The following NRG3 variants were observed in gnomAD, a reference collection of about 807,000 sequenced individuals.
NRG3 encodes neuregulin 3.
A neutral mutation model predicts 66.9 loss-of-function variants in NRG3; 31 were observed. The ratio of observed to expected loss-of-function variants is 0.46; its 90% CI spans 0.35 to 0.63. NRG3 has a LOEUF of 0.63. NRG3 is among the 20% of genes least tolerant of loss of function. The pLI is 0.00. For synonymous variants in NRG3, 393 were observed against 359.4 expected (o/e 1.09, Z -1.06); for missense variants, 910 against 878.9 (o/e 1.04, Z -0.45).
intron 2 of NRG3, among the ~76,000 whole-genome samples, chr10:82,420,857 G>T (rs1035623371): frequency 6.6e-6 from 1 of 152,160 alleles, no homozygotes; most frequent in Non-Finnish European, 1.5e-5. Flanking sequence ...GTGCAATCTG[G>T]ATAAATCTGT....
chr10:82,610,111 C>T (rs892053544), intron 2 of NRG3, among the ~76,000 whole-genome samples: 15 of 152,188 alleles, frequency 9.9e-5, no homozygotes, highest in African/African-American at 3.6e-4. Flanking sequence ...CTCACCCCAT[C>T]GAGGGCCCCT....
At chr10:82,638,514 G>A (rs908012245) in intron 2 of NRG3, among the ~76,000 whole-genome samples, 1 of 152,148 alleles carries the variant, frequency 6.6e-6, no homozygotes, top group Non-Finnish European at 1.5e-5. Context: ...GAAATGAATT[G>A]TGACTTATGT....
chr10:82,887,122 CTTG>C (rs1842787877), intron 4 of NRG3, among the ~76,000 whole-genome samples: 1 of 152,160 alleles, frequency 6.6e-6, no homozygotes, highest in South Asian at 2.1e-4. Flanking sequence ...CTGTCATGGC[CTTG>C]TTATTTTCAA....
chr10:81,896,107 A>G (rs1043128709), intron 1 of NRG3, among the ~76,000 whole-genome samples: 27 of 152,292 alleles, frequency 1.8e-4, no homozygotes, highest in Admixed American at 1.8e-3. Flanking sequence ...GATGCTGTGA[A>G]AATTTAAATC....
chr10:82,776,796 A>T (rs2059928837), intron 3 of NRG3, among the ~76,000 whole-genome samples: 1 of 151,868 alleles, frequency 6.6e-6, no homozygotes, highest in South Asian at 2.1e-4. Flanking sequence ...TCTCTTTCTT[A>T]AATTTCACAA....
At chr10:82,753,174 T>C (rs1247868198) in intron 3 of NRG3, among the ~76,000 whole-genome samples, 1 of 152,210 alleles carries the variant, frequency 6.6e-6, no homozygotes, top group Admixed American at 6.5e-5. Context: ...GAAACTATAT[T>C]TGTCTTTGTT....
intron 3 of NRG3, among the ~76,000 whole-genome samples, chr10:82,851,232 C>T (rs2063544613): frequency 6.6e-6 from 1 of 151,998 alleles, no homozygotes; most frequent in Non-Finnish European, 1.5e-5. Flanking sequence ...TATCTAATTC[C>T]AGCTTCCTGG....
chr10:81,935,126 A>T (rs547001723), intron 1 of NRG3, among the ~76,000 whole-genome samples: 2 of 152,332 alleles, frequency 1.3e-5, no homozygotes, highest in East Asian at 3.9e-4. Flanking sequence ...GAAATTTCCT[A>T]GTACCCTTTG....
At chr10:82,569,032 A>T (rs2045580153) in intron 2 of NRG3, among the ~76,000 whole-genome samples, 2 of 151,682 alleles carry the variant, frequency 1.3e-5, no homozygotes, top group South Asian at 4.1e-4. Flanking sequence ...TCCTGATATC[A>T]ACTTCTGTAG....
intron 1 of NRG3, among the ~76,000 whole-genome samples, chr10:82,092,782 C>T (rs772268494): frequency 3.3e-5 from 5 of 152,116 alleles, no homozygotes; most frequent in Non-Finnish European, 7.4e-5. Flanking sequence ...TTTCTTGCAG[C>T]CCAGTGTAAA....
At chr10:82,447,518 A>G (rs1460548987) in intron 2 of NRG3, among the ~76,000 whole-genome samples, 3 of 152,172 alleles carry the variant, frequency 2.0e-5, no homozygotes, top group African/African-American at 7.2e-5. Context: ...CACACTTTAA[A>G]TGTTGCTTTT....
chr10:81,939,335 G>A (rs1174215915), intron 1 of NRG3, among the ~76,000 whole-genome samples: 2 of 152,004 alleles, frequency 1.3e-5, no homozygotes, highest in African/African-American at 4.8e-5. Context: ...TTTGGGAAAG[G>A]CTGGTGTTAA....
intron 2 of NRG3, among the ~76,000 whole-genome samples, chr10:82,417,268 A>AAG (rs1342188951): frequency 1.6e-4 from 25 of 152,072 alleles, no homozygotes. Flanking sequence ...ATGGTTCAAT[A>AAG]AGAGAGAGAG....
chr10:82,052,051 C>T (rs917002450), intron 1 of NRG3, among the ~76,000 whole-genome samples: 2 of 143,608 alleles, frequency 1.4e-5, no homozygotes, highest in Admixed American at 1.4e-4. Flanking sequence ...TTTTTTGGTA[C>T]GCTAACAGCT....
intron 4 of NRG3, among the ~76,000 whole-genome samples, chr10:82,922,512 T>C (rs1350095955): frequency 6.6e-6 from 1 of 152,152 alleles, no homozygotes; most frequent in Non-Finnish European, 1.5e-5. Flanking sequence ...GAGTTACAGG[T>C]CCTGTATATC....
At chr10:82,050,509 A>T (rs1026672625) in intron 1 of NRG3, among the ~76,000 whole-genome samples, 1 of 151,808 alleles carries the variant, frequency 6.6e-6, no homozygotes, top group Non-Finnish European at 1.5e-5. Context: ...TTGTGCTGTT[A>T]GTCTGTGTGT....
At chr10:82,709,072 C>T (rs951203543) in intron 2 of NRG3, among the ~76,000 whole-genome samples, 1 of 152,148 alleles carries the variant, frequency 6.6e-6, no homozygotes, top group African/African-American at 2.4e-5. Flanking sequence ...CCTCCATGTC[C>T]TCTCTTCTCC....
rs183451854 is a variant in NRG3 at position 82,323,689 on chromosome 10, T to A, written c.824-35050T>A. 3.3e-5 allele frequency among the ~76,000 whole-genome samples: 5 copies of A among 152,272 alleles called. No homozygotes were observed. In the East Asian group the frequency reaches 7.7e-4, roughly 24 times the overall value. On this transcript the variant is annotated intron_variant, in intron 1 of 8. Coordinates refer to ENST00000372141, the MANE Select transcript of NRG3 (RefSeq NM_001010848.4). ...GAGTTTTACAGAATTGGTGTTTTTTTAAATTACATTTATGGTAGAGTTGCC... is the reference window on the plus strand; with the variant it reads ...GAGTTTTACAGAATTGGTGTTTTTTAAAATTACATTTATGGTAGAGTTGCC...
intron 1 of NRG3, among the ~76,000 whole-genome samples, chr10:82,244,440 T>A (rs1350648566): frequency 1.3e-5 from 2 of 152,154 alleles, no homozygotes; most frequent in Non-Finnish European, 2.9e-5. Context: ...GGAACTATTT[T>A]TGGGTAGTTG....
Sources: allele counts gnomAD v4.1 joint callset (sites outside exome capture counted in the v4.1 genomes callset), GRCh38; gene constraint gnomAD v4.1.1; transcripts MANE v1.5; gene names NCBI Gene and HGNC (gene_info 2026-07-23, HGNC 2026-07-21).